Variants in NAV1 observed in about 807,000 individuals in gnomAD.
NAV1 encodes the protein neuron navigator 1.
Under a neutral mutation model 175.2 loss-of-function variants are expected in NAV1, and 18 were observed. The observed-to-expected ratio is 0.10, with a 90% CI of 0.07 to 0.15. NAV1 has a LOEUF of 0.15. Ranked by LOEUF, NAV1 falls within the 10% of genes least tolerant of loss-of-function variation. The pLI, the probability that NAV1 is intolerant of heterozygous loss-of-function variation, is 1.00. For synonymous variants in NAV1, 897 were observed against 978.7 expected (o/e 0.92, Z 1.56); for missense variants, 1,731 against 2,436.6 (o/e 0.71, Z 6.10).
At chr1:201,651,127 G>GTGTGTA (rs2102336580) in intron 1 of NAV1, among the ~76,000 whole-genome samples, 1 of 134,212 alleles carries the variant, frequency 7.5e-6, no homozygotes, top group South Asian at 2.2e-4. Flanking sequence ...GGGACCGTGT[G>GTGTGTA]TGTGTGTGTG....
intron 1 of NAV1, among the ~76,000 whole-genome samples, chr1:201,688,721 T>G (rs1670780366): frequency 6.6e-6 from 1 of 152,250 alleles, no homozygotes. Context: ...GATGAATTAT[T>G]CTGTCCGATA....
At position 201,539,358 on chromosome 1, in the gene NAV1, G is replaced by C. The variant is rs923694647; in HGVS notation, c.-144+16G>C. Among the ~76,000 whole-genome samples the C allele has an allele frequency of 2.0e-5, 3 of 151,884 alleles. No individual in the cohort carries two copies. Among genetic ancestry groups the C allele is most frequent in the African/African-American group, 4.8e-5 (2 of 41,416 alleles). On this transcript the variant is annotated intron_variant, in intron 1 of 33. Transcript: ENST00000685211. The surrounding 1 kb of genome is among the most constrained non-coding windows in gnomAD (Gnocchi z 5.6). ...AGGCGCTCCGGTGAGTGGCCGGCGC[G>C]GGGCGGTCGCGCGGTCGCGGCGCTG...
chr1:201,646,193 C>T (rs1174431641), upstream of NAV1, among the ~76,000 whole-genome samples: 1 of 152,340 alleles, frequency 6.6e-6, no homozygotes, highest in Non-Finnish European at 1.5e-5. Flanking sequence ...CACTCACATT[C>T]CTTTAACCAG....
intron 2 of NAV1, among the ~76,000 whole-genome samples, chr1:201,590,024 C>A (rs1483246149): frequency 7.2e-5 from 11 of 152,190 alleles, no homozygotes; most frequent in African/African-American, 2.7e-4. Flanking sequence ...TCCAGAGTGG[C>A]TGGGATTACA....
chr1:201,596,256 C>A (rs1303635436), intron 2 of NAV1, among the ~76,000 whole-genome samples: 1 of 152,250 alleles, frequency 6.6e-6, no homozygotes, highest in Non-Finnish European at 1.5e-5. Context: ...CACCTGTAGA[C>A]CCCATCTCTC....
At chr1:201,716,653 A>C (rs1672153570) in intron 2 of NAV1, among the ~76,000 whole-genome samples, 1 of 152,084 alleles carries the variant, frequency 6.6e-6, no homozygotes, top group Non-Finnish European at 1.5e-5. Flanking sequence ...CCGAGGTGGG[A>C]GGATTGCTTG....
intron 1 of NAV1, among the ~76,000 whole-genome samples, chr1:201,559,940 G>C (rs639963): frequency 0.25 from 37,921 of 152,112 alleles, 6,667 homozygotes; most frequent in African/African-American, 0.48. Flanking sequence ...AGGTCCCACA[G>C]GCACGTGTCC....
intron 1 of NAV1, among the ~76,000 whole-genome samples, chr1:201,693,996 T>G (rs576482702): frequency 5.3e-5 from 8 of 152,326 alleles, no homozygotes; most frequent in African/African-American, 1.7e-4. Flanking sequence ...CAGGGCTTGG[T>G]GCTCCTGTAC....
At chr1:201,648,801 A>G in exon 1 of NAV1, 2 of 1,547,736 alleles carry the variant, frequency 1.3e-6, no homozygotes, top group Non-Finnish European at 8.7e-7. Context: ...CATGCTGCCC[A>G]AGCGCGCCAA....
chr1:201,583,266 G>C (rs1571832315), intron 1 of NAV1, among the ~76,000 whole-genome samples: 1 of 152,388 alleles, frequency 6.6e-6, no homozygotes, highest in Non-Finnish European at 1.5e-5. Flanking sequence ...CGCTGTGCTT[G>C]TCGGAGAGGA....
At chr1:201,581,591 G>C (rs12406329) in intron 1 of NAV1, among the ~76,000 whole-genome samples, 12,203 of 152,144 alleles carry the variant, frequency 0.08, 646 homozygotes, top group East Asian at 0.23. Context: ...CACTTTGGGA[G>C]GCTGAGGTGA....
chr1:201,804,183 T>C (rs1678129482), intron 16 of NAV1: 1 of 509,874 alleles, frequency 2.0e-6, no homozygotes, highest in African/African-American at 1.9e-5. Context: ...TTATTACCTT[T>C]GGTAGGTCCA....
intron 1 of NAV1, among the ~76,000 whole-genome samples, chr1:201,545,833 A>G (rs1557990828): frequency 1.3e-5 from 2 of 152,236 alleles, no homozygotes; most frequent in Non-Finnish European, 2.9e-5. Context: ...GTCTGACTGT[A>G]TCTTTGCTCT....
At chr1:201,635,803 G>C (rs772012468) in intron 2 of NAV1, among the ~76,000 whole-genome samples, 2 of 152,126 alleles carry the variant, frequency 1.3e-5, no homozygotes, top group Non-Finnish European at 2.9e-5. Context: ...GCTCCTCCTA[G>C]GAAATCCCAA....
intron 3 of NAV1, among the ~76,000 whole-genome samples, chr1:201,771,138 C>T (rs1675549345): frequency 6.6e-6 from 1 of 151,896 alleles, no homozygotes; most frequent in African/African-American, 2.4e-5. Flanking sequence ...CAGTCCTGAT[C>T]CTGCCCTCAA....
upstream of NAV1, chr1:201,648,223 G>C: frequency 2.0e-6 from 2 of 1,007,044 alleles, no homozygotes; most frequent in Non-Finnish European, 2.4e-6. Context: ...GAGTGCGGCC[G>C]GGGCGCTGCC....
intron 2 of NAV1, among the ~76,000 whole-genome samples, chr1:201,616,615 G>A (rs1285912450): frequency 1.3e-5 from 2 of 152,146 alleles, no homozygotes; most frequent in Admixed American, 6.5e-5. Context: ...AGCCTCCTGA[G>A]TAGCTGGGAT....
intron 2 of NAV1, among the ~76,000 whole-genome samples, chr1:201,611,523 G>A (rs1189905077): frequency 6.6e-6 from 1 of 152,160 alleles, no homozygotes; most frequent in African/African-American, 2.4e-5. Flanking sequence ...TGTGGTGTGG[G>A]GGAAGATAAC....
rs1234486222 is a variant in NAV1, at chr1:201,794,217, T to C, written c.3406-249T>C. On this transcript the variant is annotated intron_variant, in intron 14 of 29. Transcript: ENST00000367296. ...CCCAGGCTGGAGTGCACTGGCGCGA[T>C]CTTGGCTAACTGCAAACTCTGCCTC... The C allele has an allele frequency of 6.3e-6, 4 of 632,748 alleles. No individual in the cohort carries two copies. The African/African-American group carries it at 7.2e-5, about 11-fold the overall frequency. 39.2% of individuals were successfully genotyped at this position (632,748 alleles called of 1,614,324 possible). A position where few individuals can be genotyped will look rare whatever the true frequency, so the allele number is the denominator to read the frequency against.
Sources: allele counts gnomAD v4.1 joint callset (sites outside exome capture counted in the v4.1 genomes callset), GRCh38; gene constraint gnomAD v4.1.1; non-coding constraint Gnocchi (gnomAD v3.1); transcripts MANE v1.5; gene names NCBI Gene and HGNC (gene_info 2026-07-23, HGNC 2026-07-21).